The following CACNA1E variants were observed in gnomAD, a reference collection of about 807,000 sequenced individuals.
CACNA1E encodes calcium voltage-gated channel subunit alpha1 E.
Under a neutral mutation model 259.2 loss-of-function variants are expected in CACNA1E, and 40 were observed. That is an observed-to-expected ratio of 0.15 (90% confidence interval 0.12 to 0.20). CACNA1E has a LOEUF of 0.20. CACNA1E is among the 10% of genes least tolerant of loss of function. The pLI is 1.00. For synonymous variants in CACNA1E, 1,104 were observed against 1,138.5 expected, an observed-to-expected ratio of 0.97 and a Z score of 0.61; for missense variants, 1,874 against 3,040.1, an observed-to-expected ratio of 0.62 and a Z score of 9.02.
intron 3 of CACNA1E, among the ~76,000 whole-genome samples, chr1:181,524,502 C>T (rs1016464847): frequency 2.9e-4 from 44 of 152,128 alleles, no homozygotes; most frequent in African/African-American, 9.9e-4. Context: ...CAAATAACCC[C>T]CCAAATTTCA....
At chr1:181,521,555 G>A (rs1282873641) in intron 3 of CACNA1E, among the ~76,000 whole-genome samples, 2 of 152,246 alleles carry the variant, frequency 1.3e-5, no homozygotes, top group East Asian at 1.9e-4. Context: ...AGAGGCAGCC[G>A]GTATTAGTTG....
At chr1:181,578,931 A>C in intron 4 of CACNA1E, 141 bp from the exon 5 acceptor site, 1 of 658,932 alleles carries the variant, frequency 1.5e-6, no homozygotes, top group Non-Finnish European at 2.4e-6. Context: ...TCCTTTAGGA[A>C]AGGAGCACAT....
rs768765892 is a variant in CACNA1E, at chr1:181,717,307, GTAAAGCCTCTCTC to G, written c.1525+15_1525+27del. 2 of 1,611,380 alleles carry G rather than the reference GTAAAGCCTCTCTC, an allele frequency of 1.2e-6. No individual in the cohort carries two copies. The highest frequency in any genetic ancestry group is 1.7e-5 in the Admixed American group (1 of 60,022). The stretch of plus-strand genomic sequence containing the variant: ...AGTGGCTCACCCACCTCCTCTGTAA[GTAAAGCCTCTCTC>G]TAAAGCCTCCTCTGCTGGTCCCCAT... On this transcript the variant is annotated splice_donor_region_variant and intron_variant, in intron 11 of 47. Coordinates refer to ENST00000367573, the MANE Select transcript of CACNA1E (RefSeq NM_001205293.3).
At chr1:181,621,725 G>GT (rs949887260) in intron 6 of CACNA1E, among the ~76,000 whole-genome samples, 3 of 152,144 alleles carry the variant, frequency 2.0e-5, no homozygotes, top group South Asian at 2.1e-4. Context: ...TATCACACGA[G>GT]TTTTTTTTAC....
chr1:181,363,899 A>T (rs1654072121), intron 1 of CACNA1E, among the ~76,000 whole-genome samples: 1 of 152,172 alleles, frequency 6.6e-6, no homozygotes, highest in Non-Finnish European at 1.5e-5. Flanking sequence ...AGAGTATGGG[A>T]TGTCTTCATC....
chr1:181,414,172 A>C (rs1658088790), intron 2 of CACNA1E, among the ~76,000 whole-genome samples: 1 of 152,152 alleles, frequency 6.6e-6, no homozygotes, highest in South Asian at 2.1e-4. Context: ...AAATTAAAGG[A>C]AGATGGGATT....
intron 1 of CACNA1E, among the ~76,000 whole-genome samples, chr1:181,374,763 G>A (rs1654976247): frequency 6.6e-6 from 1 of 152,158 alleles, no homozygotes; most frequent in South Asian, 2.1e-4. Context: ...AACTGAGCAT[G>A]GCTGAAAAAC....
At chr1:181,368,688 G>A (rs1263872927) in intron 1 of CACNA1E, among the ~76,000 whole-genome samples, 1 of 152,188 alleles carries the variant, frequency 6.6e-6, no homozygotes, top group Non-Finnish European at 1.5e-5. Context: ...AGCGGCTTCA[G>A]TATGAGTGGC....
At chr1:181,595,245 G>T (rs988162229) in intron 6 of CACNA1E, among the ~76,000 whole-genome samples, 3 of 152,150 alleles carry the variant, frequency 2.0e-5, no homozygotes. Context: ...TCTCTATGAT[G>T]CCATCCTTGA....
chr1:181,354,761 G>C (rs1450927716), intron 1 of CACNA1E, among the ~76,000 whole-genome samples: 1 of 152,120 alleles, frequency 6.6e-6, no homozygotes, highest in Non-Finnish European at 1.5e-5. Context: ...GGGTTTGGGG[G>C]GATAATGGGT....
intron 3 of CACNA1E, among the ~76,000 whole-genome samples, chr1:181,532,132 G>A (rs890105017): frequency 6.6e-6 from 1 of 152,182 alleles, no homozygotes; most frequent in Admixed American, 6.5e-5. Context: ...GAGGAGGCTG[G>A]TGTGTTTCTC....
chr1:181,579,192 A>G lies in CACNA1E; in HGVS notation c.737A>G (p.Lys246Arg). The G allele has an allele frequency of 6.2e-7, 1 of 1,613,698 alleles. No homozygotes were observed. Among genetic ancestry groups the G allele is most frequent in the Non-Finnish European group, 8.5e-7 (1 of 1,179,750 alleles). ...AIIGLEFYSG[K>R]LHRACFMNNS... ...ATTGGTTTGGAGTTCTACAGTGGCA[A>G]GTTACATCGAGCATGCTTCATGAAC... Residue 246 changes from lysine (K) to arginine (R), a missense_variant, in exon 5 of 48, where the codon AAG (lysine) becomes AGG (arginine). Transcript: ENST00000367573.
At chr1:181,744,791 C>A (rs1036069590) in intron 25 of CACNA1E, among the ~76,000 whole-genome samples, 3 of 152,222 alleles carry the variant, frequency 2.0e-5, no homozygotes, top group Non-Finnish European at 2.9e-5. Context: ...GACCCATTTA[C>A]CACTGAGCCA....
intron 45 of CACNA1E, among the ~76,000 whole-genome samples, chr1:181,794,480 TG>T (rs1168379161): frequency 2.0e-5 from 3 of 152,012 alleles, no homozygotes; most frequent in Admixed American, 6.6e-5. Context: ...CTTTCATGAA[TG>T]GGGTGGCCTC....
intron 1 of CACNA1E, among the ~76,000 whole-genome samples, chr1:181,343,516 C>G (rs1053610433): frequency 6.6e-6 from 1 of 152,140 alleles, no homozygotes; most frequent in Non-Finnish European, 1.5e-5. Flanking sequence ...TGTAAGCTTC[C>G]TGAAGCCCTC....
In CACNA1E at chr1:181,758,907, T is replaced by C. The variant is rs1439154149; in HGVS notation, c.4605+39T>C. The C allele has an allele frequency of 8.7e-7, 1 of 1,151,562 alleles. No individual in the cohort carries two copies. Among genetic ancestry groups the C allele is most frequent in the Non-Finnish European group, 1.3e-6 (1 of 767,598 alleles). 71.3% of individuals were successfully genotyped at this position (1,151,562 alleles called of 1,614,324 possible). ...TCCTTCCCAGCACTGGGCTTGTCTCTTTCTGTTGGGTGCCTTCCCAGTCTT... is the reference window on the plus strand; with the variant it reads ...TCCTTCCCAGCACTGGGCTTGTCTCCTTCTGTTGGGTGCCTTCCCAGTCTT... On this transcript the variant is annotated intron_variant, in intron 32 of 47. Coordinates refer to ENST00000367573, the MANE Select transcript of CACNA1E (RefSeq NM_001205293.3). This position sits in a 1 kb window ranked among gnomAD's most constrained non-coding sequence, Gnocchi z 4.2.
At chr1:181,723,358 T>A (rs1164303447) in intron 16 of CACNA1E, among the ~76,000 whole-genome samples, 2 of 152,232 alleles carry the variant, frequency 1.3e-5, no homozygotes, top group Non-Finnish European at 2.9e-5. Flanking sequence ...GTTATTGCTA[T>A]GGGTAGAGGC....
intron 2 of CACNA1E, among the ~76,000 whole-genome samples, chr1:181,456,263 G>A (rs1346592291): frequency 6.6e-6 from 1 of 152,164 alleles, no homozygotes. Context: ...GGGCAGGTGA[G>A]TAGGAGGCTG....
intron 1 of CACNA1E, among the ~76,000 whole-genome samples, chr1:181,500,555 GTTC>G (rs1665156307): frequency 6.6e-6 from 1 of 152,244 alleles, no homozygotes; most frequent in Non-Finnish European, 1.5e-5. Flanking sequence ...AACAGTGGAA[GTTC>G]TTCTCTTTAT....
Sources: allele counts gnomAD v4.1 joint callset (sites outside exome capture counted in the v4.1 genomes callset), GRCh38; gene constraint gnomAD v4.1.1; non-coding constraint Gnocchi (gnomAD v3.1); transcripts MANE v1.5; gene names NCBI Gene and HGNC (gene_info 2026-07-23, HGNC 2026-07-21).